Variants in PTPN7 observed in about 807,000 individuals in gnomAD.
PTPN7 encodes protein tyrosine phosphatase non-receptor type 7.
In PTPN7, 33 loss-of-function variants were observed where a neutral mutation model predicts 50.3. The ratio of observed to expected loss-of-function variants is 0.66; its 90% CI spans 0.50 to 0.88. The LOEUF (loss-of-function observed/expected upper bound fraction) is 0.88, where lower values mean the gene tolerates loss of function less well. Ranked by LOEUF, PTPN7 falls within the 40% of genes least tolerant of loss-of-function variation. The pLI is 0.00. For synonymous variants in PTPN7, 185 were observed against 186.6 expected, an observed-to-expected ratio of 0.99 and a Z score of 0.07; for missense variants, 412 against 475.4, an observed-to-expected ratio of 0.87 and a Z score of 1.24.
intron 8 of PTPN7, 126 bp from the exon 9 acceptor site, chr1:202,150,550 A>G: frequency 1.4e-6 from 1 of 697,692 alleles, no homozygotes; most frequent in South Asian, 1.7e-5. Flanking sequence ...GGCTCTGGAG[A>G]TGGAGGCAGG....
chr1:202,152,392 G>A (rs2147833598), intron 8 of PTPN7, 150 bp downstream of exon 8: 1 of 938,208 alleles, frequency 1.1e-6, no homozygotes, highest in Non-Finnish European at 1.5e-6. Flanking sequence ...AAAAAGAACA[G>A]AGCCCTTGCT....
chr1:202,159,589 C>T lies in PTPN7; in HGVS notation c.-52-135G>A, dbSNP rs1030142919. On this transcript the variant is annotated intron_variant, in intron 1 of 9. Transcript: ENST00000691036. The surrounding 1 kb of genome is among the most constrained non-coding windows in gnomAD (Gnocchi z 4.6). The stretch of plus-strand genomic sequence containing the variant: ...TCCCCAAGAGGTGGCCTCATTTTCA[C>T]TAAGGGAAGGACAGGATCTATTTGG... 1.9e-5 allele frequency: 29 copies of T among 1,489,558 alleles called. No homozygotes were observed. In the South Asian group the frequency reaches 4.0e-4, roughly 20 times the overall value. 92.3% of individuals were successfully genotyped at this position (1,489,558 alleles called of 1,614,324 possible). A position where few individuals can be genotyped will look rare whatever the true frequency, so the allele number is the denominator to read the frequency against.
chr1:202,153,985 G>T, intron 6 of PTPN7, 150 bp from the exon 7 acceptor site: 1 of 978,750 alleles, frequency 1.0e-6, no homozygotes, highest in Non-Finnish European at 1.6e-6. Flanking sequence ...CTTGATACCT[G>T]CAAGCAGAGT....
chr1:202,152,063 C>T (rs1656065223), intron 8 of PTPN7, among the ~76,000 whole-genome samples: 1 of 152,136 alleles, frequency 6.6e-6, no homozygotes, highest in African/African-American at 2.4e-5. Flanking sequence ...GTGTGTGCTA[C>T]CACGCCTGGC....
In PTPN7 at chr1:202,159,474, G is replaced by T; in HGVS notation, c.-52-20C>A. 1 of 1,606,152 alleles carries T rather than the reference G, an allele frequency of 6.2e-7. No homozygotes were observed. Among genetic ancestry groups the T allele is most frequent in the Non-Finnish European group, 8.5e-7 (1 of 1,173,926 alleles). ...GTCTGCCTGAAAGACAGGGCCCTCCGCTGCTGTTCTCTGGCCTGCCTGATT... is the reference window on the plus strand; with the variant it reads ...GTCTGCCTGAAAGACAGGGCCCTCCTCTGCTGTTCTCTGGCCTGCCTGATT... On this transcript the variant is annotated intron_variant, in intron 1 of 9. Coordinates refer to ENST00000691036, the MANE Select transcript of PTPN7 (RefSeq NM_002832.4). This position sits in a 1 kb window ranked among gnomAD's most constrained non-coding sequence, Gnocchi z 4.6.
rs531821821 is a variant in PTPN7, at chr1:202,159,237, G to A, written c.122+44C>T. 46 of 1,584,204 alleles carry A rather than the reference G, an allele frequency of 2.9e-5. 1 individual carries two copies. In the South Asian group the frequency reaches 2.9e-4, roughly 10 times the overall value. On this transcript the variant is annotated intron_variant, in intron 2 of 9. Transcript: ENST00000691036. The surrounding 1 kb of genome is among the most constrained non-coding windows in gnomAD (Gnocchi z 4.6). Reference sequence around the variant, plus strand: ...ATGGAAGGAAGGGAGGAGCGGAATGGGGGCTCAGGGCTCGGAAGACCCCTC... The same window carrying A: ...ATGGAAGGAAGGGAGGAGCGGAATGAGGGCTCAGGGCTCGGAAGACCCCTC...
intron 5 of PTPN7, among the ~76,000 whole-genome samples, chr1:202,155,236 G>C (rs1435714140): frequency 6.6e-6 from 1 of 152,184 alleles, no homozygotes; most frequent in East Asian, 1.9e-4. Context: ...TGGAGATTGG[G>C]TTCAACAATG....
At chr1:202,157,708 C>G in intron 4 of PTPN7, 31 bp downstream of exon 4, 1 of 1,581,838 alleles carries the variant, frequency 6.3e-7, no homozygotes, top group East Asian at 2.2e-5. Context: ...GGACTGTACC[C>G]GACTCCCTTC....
Position 202,154,332 on chromosome 1 carries a change from T to G in PTPN7, c.469-9A>C. On this transcript the variant is annotated splice_polypyrimidine_tract_variant and intron_variant, in intron 5 of 9. Coordinates refer to ENST00000691036, the MANE Select transcript of PTPN7 (RefSeq NM_002832.4). ...TCCTTCCCGTCATAGCCCTGGAAGGTGGAAGCACAGGGGAAGGGGTGGGGA... is the reference window on the plus strand; with the variant it reads ...TCCTTCCCGTCATAGCCCTGGAAGGGGGAAGCACAGGGGAAGGGGTGGGGA... 1.2e-6 allele frequency: 2 copies of G among 1,607,756 alleles called. No homozygotes were observed. The highest frequency in any genetic ancestry group is 1.7e-6 in the Non-Finnish European group (2 of 1,176,578).
Position 202,159,412 on chromosome 1 carries a change from G to A in PTPN7, c.-10C>T, listed in dbSNP as rs146343736. ...CATGGGCTTGGACCATGCTGAGGTGGGGTGCTGGGCCCAGGGGAGGCTCAC... is the reference window on the plus strand; with the variant it reads ...CATGGGCTTGGACCATGCTGAGGTGAGGTGCTGGGCCCAGGGGAGGCTCAC... On this transcript the variant is annotated 5_prime_UTR_variant, in exon 2 of 10. Transcript: ENST00000691036. The surrounding 1 kb of genome is among the most constrained non-coding windows in gnomAD (Gnocchi z 4.6). 113 of 1,614,068 alleles carry A rather than the reference G, an allele frequency of 7.0e-5. No homozygotes were observed. Among genetic ancestry groups the A allele is most frequent in the Non-Finnish European group, 9.2e-5 (109 of 1,180,038 alleles).
intron 3 of PTPN7, 126 bp from the exon 4 acceptor site, chr1:202,157,949 T>TG (rs1656871952): frequency 2.5e-6 from 3 of 1,216,788 alleles, no homozygotes; most frequent in Admixed American, 2.2e-5. Flanking sequence ...CTAGATGGGG[T>TG]GGGGGCAGAA....
At chr1:202,157,018 C>A (rs1200564936) in intron 4 of PTPN7, among the ~76,000 whole-genome samples, 1 of 152,194 alleles carries the variant, frequency 6.6e-6, no homozygotes, top group South Asian at 2.1e-4. Flanking sequence ...GGGAGCCCTC[C>A]TGGTGGTGCT....
Position 202,159,638 on chromosome 1 carries a change from C to T in PTPN7, c.-52-184G>A, listed in dbSNP as rs1165266345. 3 of 1,459,696 alleles carry T rather than the reference C, an allele frequency of 2.1e-6. No individual in the cohort carries two copies. The highest frequency in any genetic ancestry group is 2.7e-6 in the Non-Finnish European group (3 of 1,108,726). The allele number at this position is 1,459,696 out of a possible 1,614,324, so 90.4% of individuals were successfully genotyped here. A position where few individuals can be genotyped will look rare whatever the true frequency, so the allele number is the denominator to read the frequency against. On this transcript the variant is annotated intron_variant, in intron 1 of 9. Transcript: ENST00000691036. The surrounding 1 kb of genome is among the most constrained non-coding windows in gnomAD (Gnocchi z 4.6). ...GGTGGGACCCAGGGCAGAAGGCAGT[C>T]TCGGGGTAGAGTAACGGCAAGATAA...
chr1:202,149,532 T>A (rs2147824792), intron 9 of PTPN7, among the ~76,000 whole-genome samples: 1 of 152,206 alleles, frequency 6.6e-6, no homozygotes, highest in Non-Finnish European at 1.5e-5. Flanking sequence ...CACAGTGGCT[T>A]AAGCCTGTAA....
chr1:202,157,706 C>T, intron 4 of PTPN7, 33 bp downstream of exon 4: 2 of 1,577,782 alleles, frequency 1.3e-6, no homozygotes, highest in Non-Finnish European at 1.7e-6. Flanking sequence ...AGGGACTGTA[C>T]CCGACTCCCT....
rs911191906 is a variant in PTPN7, at chr1:202,152,483, C to G, written c.875+59G>C. The G allele has an allele frequency of 1.5e-5, 24 of 1,571,092 alleles. No individual in the cohort carries two copies. In the African/African-American group the frequency reaches 2.3e-4, roughly 15 times the overall value. On this transcript the variant is annotated intron_variant, in intron 8 of 9. Coordinates refer to ENST00000691036, the MANE Select transcript of PTPN7 (RefSeq NM_002832.4). ...GCTCAGACCCTTCCCCAGGAGAGAC[C>G]CAGGGGGCAGGGGAGGGGAGCACAG...
intron 9 of PTPN7, 122 bp downstream of exon 9, chr1:202,150,189 A>G: frequency 3.9e-6 from 3 of 765,626 alleles, no homozygotes; most frequent in Non-Finnish European, 6.6e-6. Flanking sequence ...CTCTAAGCAG[A>G]AAGGGTTTCT....
In PTPN7 at chr1:202,154,171, G is replaced by A; in HGVS notation, c.606+15C>T. ...ACTTTCTGGGTTCATCATGAACTGT[G>A]GCTCTGCCTCCTACCTCCTTGCCCT... is the stretch of plus-strand genomic sequence containing the variant. On this transcript the variant is annotated intron_variant, in intron 6 of 9. Coordinates refer to ENST00000691036, the MANE Select transcript of PTPN7 (RefSeq NM_002832.4). 1 of 1,613,826 alleles carries A rather than the reference G, an allele frequency of 6.2e-7. No homozygotes were observed. The highest frequency in any genetic ancestry group is 8.5e-7 in the Non-Finnish European group (1 of 1,180,010).
rs1011270483 is a variant in PTPN7 at position 202,159,726 on chromosome 1, G to C, written c.-52-272C>G. The C allele has an allele frequency of 5.9e-6, 8 of 1,358,080 alleles. No homozygotes were observed. The highest frequency in any genetic ancestry group is 5.0e-4 in the Middle Eastern group (2 of 3,962). The allele number at this position is 1,358,080 out of a possible 1,614,324, so 84.1% of individuals were successfully genotyped here. A position where few individuals can be genotyped will look rare whatever the true frequency, so the allele number is the denominator to read the frequency against. On this transcript the variant is annotated intron_variant, in intron 1 of 9. Transcript: ENST00000691036. This position sits in a 1 kb window ranked among gnomAD's most constrained non-coding sequence, Gnocchi z 4.6. ...GAAGGAGGAAAAGAGAGAGGGGAGA[G>C]AGGCCACACACCAGAGTACACAGGG... is the stretch of plus-strand genomic sequence containing the variant.
Sources: gnomAD v4.1 joint callset for allele counts (sites outside exome capture counted in the v4.1 genomes callset) on GRCh38, gnomAD v4.1.1 for gene constraint, Gnocchi (gnomAD v3.1) non-coding constraint, MANE v1.5 for transcripts, NCBI Gene and HGNC (gene_info 2026-07-23, HGNC 2026-07-21) for gene names.